The following PFKFB4 variants were observed in gnomAD, a reference collection of about 807,000 sequenced individuals.
The protein encoded by PFKFB4 is 6-phosphofructo-2-kinase/fructose-2,6-bisphosphatase 4.
In PFKFB4, 42 loss-of-function variants were observed where a neutral mutation model predicts 62.8. The observed-to-expected ratio is 0.67, with a 90% CI of 0.52 to 0.86. PFKFB4 has a LOEUF of 0.86. Among genes scored for constraint, PFKFB4 ranks in the 40% least tolerant of loss-of-function variants. The pLI is 0.00. For synonymous variants in PFKFB4, 204 were observed against 240.7 expected, an observed-to-expected ratio of 0.85 and a Z score of 1.41; for missense variants, 475 against 627.2, an observed-to-expected ratio of 0.76 and a Z score of 2.59.
chr3:48,538,459 A>G (rs771966818), intron 7 of PFKFB4, 39 bp downstream of exon 7: 2 of 1,607,378 alleles, frequency 1.2e-6, no homozygotes, highest in Non-Finnish European at 1.7e-6. Context: ...CCTGCCGCCC[A>G]CCATCACAGC....
chr3:48,553,436 T>A (rs999929150), intron 1 of PFKFB4, among the ~76,000 whole-genome samples: 6 of 151,820 alleles, frequency 4.0e-5, no homozygotes, highest in Non-Finnish European at 7.4e-5. Flanking sequence ...ATTGTGCCAC[T>A]GCACTCCAGC....
intron 10 of PFKFB4, among the ~76,000 whole-genome samples, chr3:48,525,185 G>A (rs769254270): frequency 8.5e-5 from 13 of 152,194 alleles, no homozygotes; most frequent in Non-Finnish European, 1.6e-4. Flanking sequence ...GCCTGGGAAT[G>A]CCAGGGGACC....
At chr3:48,536,763 G>A (rs937002035) in intron 7 of PFKFB4, 11 of 387,182 alleles carry the variant, frequency 2.8e-5, no homozygotes, top group East Asian at 4.6e-5. Context: ...GACTTTCTCC[G>A]CTGCTCATGT....
Position 48,556,296 on chromosome 3 carries a change from C to T in PFKFB4, c.97+385G>A. On this transcript the variant is annotated intron_variant, in intron 1 of 13. Transcript: ENST00000232375. This position sits in a 1 kb window ranked among gnomAD's most constrained non-coding sequence, Gnocchi z 5.7. ...CACAGCTCAGTTCCAGTCCAACAAC[C>T]CGGCCCACACTCCTTGGCCAGGAGA... is the stretch of plus-strand genomic sequence containing the variant. The T allele has an allele frequency of 2.0e-6, 1 of 499,150 alleles. No individual in the cohort carries two copies. Among genetic ancestry groups the T allele is most frequent in the Non-Finnish European group, 3.9e-6 (1 of 254,906 alleles). 30.9% of individuals were successfully genotyped at this position (499,150 alleles called of 1,614,324 possible).
At chr3:48,520,034 C>T (rs377486875) in intron 13 of PFKFB4, among the ~76,000 whole-genome samples, 1 of 152,184 alleles carries the variant, frequency 6.6e-6, no homozygotes, top group East Asian at 1.9e-4. Context: ...GATGCCACCT[C>T]GTTTCCTGCT....
intron 9 of PFKFB4, among the ~76,000 whole-genome samples, chr3:48,527,862 T>C (rs965152552): frequency 1.3e-5 from 2 of 151,912 alleles, no homozygotes; most frequent in Admixed American, 1.3e-4. Context: ...TAATTTTTTG[T>C]ATTTTTAGTA....
intron 9 of PFKFB4, among the ~76,000 whole-genome samples, chr3:48,534,298 G>C (rs1014571918): frequency 2.0e-5 from 3 of 152,092 alleles, no homozygotes; most frequent in Admixed American, 6.5e-5. Flanking sequence ...TGGGAGAAGG[G>C]GTGGCAGAAA....
chr3:48,548,089 C>A (rs1387468837), intron 3 of PFKFB4: 1 of 152,182 alleles, frequency 6.6e-6, no homozygotes, highest in Non-Finnish European at 1.5e-5. Context: ...AGCTTCCCAA[C>A]CTCTCTGAGT....
chr3:48,520,003 T>C (rs748058988), intron 13 of PFKFB4, among the ~76,000 whole-genome samples, 197 bp from the exon 14 acceptor site: 1 of 152,032 alleles, frequency 6.6e-6, no homozygotes, highest in Non-Finnish European at 1.5e-5. Context: ...GGATGGACAA[T>C]AGAACAAAGG....
At chr3:48,523,321 T>C (rs1375269776) in intron 12 of PFKFB4, among the ~76,000 whole-genome samples, 1 of 151,250 alleles carries the variant, frequency 6.6e-6, no homozygotes, top group Admixed American at 6.6e-5. Flanking sequence ...GAGGTGGAGG[T>C]TGTAGTGAGC....
At chr3:48,542,970 A>G (rs530437795) in intron 4 of PFKFB4, among the ~76,000 whole-genome samples, 2 of 152,340 alleles carry the variant, frequency 1.3e-5, no homozygotes, top group South Asian at 2.1e-4. Context: ...CAGGCAGAAC[A>G]TTCAACCCAG....
chr3:48,528,845 C>T (rs901106493), intron 9 of PFKFB4, among the ~76,000 whole-genome samples: 11 of 152,016 alleles, frequency 7.2e-5, no homozygotes, highest in Non-Finnish European at 4.4e-5. Flanking sequence ...ACATGCTACA[C>T]GAATAAACCT....
intron 4 of PFKFB4, among the ~76,000 whole-genome samples, chr3:48,542,050 GAAAAT>G (rs1452210775): frequency 6.6e-6 from 1 of 152,096 alleles, no homozygotes; most frequent in East Asian, 1.9e-4. Flanking sequence ...AAAAAACAGA[GAAAAT>G]AAAGAGAAAG....
intron 4 of PFKFB4, among the ~76,000 whole-genome samples, chr3:48,541,546 C>T (rs2042799847): frequency 6.6e-6 from 1 of 152,192 alleles, no homozygotes; most frequent in African/African-American, 2.4e-5. Flanking sequence ...GCTGGGATTA[C>T]AGGCATGAGC....
intron 1 of PFKFB4, 75 bp from the exon 2 acceptor site, chr3:48,550,309 C>A (rs2043099482): frequency 1.1e-6 from 1 of 940,058 alleles, no homozygotes; most frequent in South Asian, 1.3e-5. Context: ...AGCCTGTGGT[C>A]TCTCAGCCTC....
At chr3:48,528,265 G>A (rs1235198936) in intron 9 of PFKFB4, among the ~76,000 whole-genome samples, 3 of 152,102 alleles carry the variant, frequency 2.0e-5, no homozygotes, top group Non-Finnish European at 2.9e-5. Context: ...GTGAGATGGC[G>A]AAACAGTGTG....
intron 10 of PFKFB4, 30 bp downstream of exon 10, chr3:48,525,535 G>A (rs1352834022): frequency 3.2e-6 from 4 of 1,264,164 alleles, no homozygotes; most frequent in Admixed American, 3.9e-5. Flanking sequence ...GGCAGTAGGT[G>A]GCTGGGACTA....
At chr3:48,536,100 A>T (rs898076773) in intron 8 of PFKFB4, among the ~76,000 whole-genome samples, 156 bp downstream of exon 8, 3 of 152,224 alleles carry the variant, frequency 2.0e-5, no homozygotes, top group African/African-American at 7.2e-5. Flanking sequence ...CCTTCCCTAC[A>T]TGATGGGAAG....
intron 1 of PFKFB4, among the ~76,000 whole-genome samples, chr3:48,553,409 G>A (rs1248295145): frequency 1.3e-5 from 2 of 152,154 alleles, no homozygotes; most frequent in East Asian, 1.9e-4. Context: ...AGGAGGCAGA[G>A]GTTGCAGTGA....
Sources: allele counts gnomAD v4.1 joint callset (sites outside exome capture counted in the v4.1 genomes callset), GRCh38; gene constraint gnomAD v4.1.1; non-coding constraint Gnocchi (gnomAD v3.1); transcripts MANE v1.5; gene names NCBI Gene and HGNC (gene_info 2026-07-23, HGNC 2026-07-21).